PRDM16: variants seen among roughly 807,000 people sequenced by gnomAD.
The protein encoded by PRDM16 is PR/SET domain 16.
A neutral mutation model predicts 110.6 loss-of-function variants in PRDM16; 23 were observed. That is an observed-to-expected ratio of 0.21 (90% CI 0.15 to 0.29). PRDM16 has a LOEUF of 0.29. Among genes scored for constraint, PRDM16 ranks in the 10% least tolerant of loss-of-function variants. The pLI is 1.00. For missense variants in PRDM16, 1,615 were observed against 1,794.3 expected, an observed-to-expected ratio of 0.90 and a Z score of 1.81; for synonymous variants, 799 against 781.8, an observed-to-expected ratio of 1.02 and a Z score of -0.37.
chr1:3,310,262 G>A (rs1641417225), intron 3 of PRDM16, among the ~76,000 whole-genome samples: 1 of 152,128 alleles, frequency 6.6e-6, no homozygotes, highest in Non-Finnish European at 1.5e-5. Context: ...GGCACACTCT[G>A]GGGCCCAAAG....
At chr1:3,303,499 C>T (rs994984473) in intron 3 of PRDM16, among the ~76,000 whole-genome samples, 7 of 152,282 alleles carry the variant, frequency 4.6e-5, no homozygotes, top group South Asian at 2.1e-4. Flanking sequence ...TGCCTTTCGC[C>T]GTTGGGAAGA....
chr1:3,319,628 G>A (rs564249546), intron 3 of PRDM16, among the ~76,000 whole-genome samples: 12 of 152,224 alleles, frequency 7.9e-5, no homozygotes, highest in African/African-American at 2.6e-4. Flanking sequence ...GGCGTCAGGC[G>A]CTCCTCTCTC....
rs1163782519 is a variant in PRDM16 at position 3,382,534 on chromosome 1, C to A, written c.439-2618C>A. Among the ~76,000 whole-genome samples the A allele has an allele frequency of 6.6e-6, 1 of 152,188 alleles. No homozygotes were observed. On this transcript the variant is annotated intron_variant, in intron 3 of 16. Transcript: ENST00000270722. The surrounding 1 kb of genome is among the most constrained non-coding windows in gnomAD (Gnocchi z 6.6). ...CCCTGAGTCCTGAACAGCAGGGTGG[C>A]CACAGACTCCCCACCAAAGCGAGGC...
At chr1:3,332,209 A>G (rs1642055199) in intron 3 of PRDM16, among the ~76,000 whole-genome samples, 1 of 152,288 alleles carries the variant, frequency 6.6e-6, no homozygotes, top group Admixed American at 6.5e-5. Context: ...AGGTGCGTGC[A>G]CTGGGAAGTG....
At chr1:3,152,618 G>A (rs1643797313) in intron 1 of PRDM16, among the ~76,000 whole-genome samples, 1 of 152,240 alleles carries the variant, frequency 6.6e-6, no homozygotes, top group African/African-American at 2.4e-5. Flanking sequence ...ATGTTGCTCA[G>A]GAAGTTACAC....
chr1:3,361,217 G>A (rs573136536), intron 3 of PRDM16, among the ~76,000 whole-genome samples: 25 of 152,262 alleles, frequency 1.6e-4, no homozygotes, highest in Middle Eastern at 3.4e-3. Flanking sequence ...TGCTTTCACC[G>A]TCACAGCCTG....
At chr1:3,152,377 CATCCATTT>C (rs1419731901) in intron 1 of PRDM16, among the ~76,000 whole-genome samples, 5 of 123,648 alleles carry the variant, frequency 4.0e-5, no homozygotes, top group Middle Eastern at 3.9e-3. Flanking sequence ...TCCATCCATC[CATCCATTT>C]ATCCATCCAT....
chr1:3,158,558 G>A (rs886273820), intron 1 of PRDM16, among the ~76,000 whole-genome samples: 1 of 152,080 alleles, frequency 6.6e-6, no homozygotes, highest in Non-Finnish European at 1.5e-5. Context: ...TGGCGAGAAG[G>A]CACGATGACT....
intron 3 of PRDM16, among the ~76,000 whole-genome samples, chr1:3,324,787 C>T (rs539731396): frequency 1.3e-5 from 2 of 150,310 alleles, no homozygotes; most frequent in African/African-American, 4.9e-5. Flanking sequence ...CCTTGGTTCT[C>T]AAACTCGGCG....
intron 2 of PRDM16, among the ~76,000 whole-genome samples, chr1:3,193,740 A>T (rs1210784283): frequency 6.6e-6 from 1 of 152,144 alleles, no homozygotes; most frequent in Non-Finnish European, 1.5e-5. Flanking sequence ...CCCCTCCCAC[A>T]TGTCGGTCTG....
chr1:3,236,387 G>C (rs1174324936), intron 2 of PRDM16, among the ~76,000 whole-genome samples: 3 of 152,178 alleles, frequency 2.0e-5, no homozygotes. Context: ...GTGACTTCCA[G>C]GTCAAGGACC....
intron 3 of PRDM16, among the ~76,000 whole-genome samples, chr1:3,278,398 C>G (rs1255963907): frequency 6.6e-6 from 1 of 152,252 alleles, no homozygotes; most frequent in Non-Finnish European, 1.5e-5. Context: ...CCCCACTGCA[C>G]AGGCAGGACC....
intron 1 of PRDM16, among the ~76,000 whole-genome samples, chr1:3,145,034 G>A (rs1643619328): frequency 1.3e-5 from 2 of 152,182 alleles, no homozygotes; most frequent in Non-Finnish European, 2.9e-5. Context: ...CACTCGTCTT[G>A]GAAGGAACAC....
intron 3 of PRDM16, among the ~76,000 whole-genome samples, chr1:3,380,098 C>T (rs1026603471): frequency 6.6e-6 from 1 of 150,690 alleles, no homozygotes; most frequent in Non-Finnish European, 1.5e-5. Context: ...CACCCCCTCC[C>T]AACACATCCC....
At chr1:3,128,595 G>A (rs1008483717) in intron 1 of PRDM16, among the ~76,000 whole-genome samples, 3 of 152,236 alleles carry the variant, frequency 2.0e-5, no homozygotes, top group Admixed American at 2.0e-4. Flanking sequence ...GGAACCCAGA[G>A]GGTGATCGGC....
intron 4 of PRDM16, among the ~76,000 whole-genome samples, chr1:3,389,949 G>GCCCCCCCCCCCC (rs70938087): frequency 1.7e-3 from 181 of 106,992 alleles, no homozygotes; most frequent in Non-Finnish European, 2.3e-3. Context: ...CTGGGGGTGC[G>GCCCCCCCCCCCC]CCCCCCCCCC....
rs972027532 is a variant in PRDM16 at position 3,255,161 on chromosome 1, A to G, written c.438+11024A>G. 5.3e-5 allele frequency among the ~76,000 whole-genome samples: 8 copies of G among 152,142 alleles called. No homozygotes were observed. The highest frequency in any genetic ancestry group is 1.7e-4 in the African/African-American group (7 of 41,500). On this transcript the variant is annotated intron_variant, in intron 3 of 16. Coordinates refer to ENST00000270722, the MANE Select transcript of PRDM16 (RefSeq NM_022114.4). The surrounding 1 kb of genome is among the most constrained non-coding windows in gnomAD (Gnocchi z 4.7). Reference sequence around the variant, plus strand: ...CACCTTATACAAAAATTAATTCAAGATGGATTAAAGACTTAAACGTTAGAC... The same window carrying G: ...CACCTTATACAAAAATTAATTCAAGGTGGATTAAAGACTTAAACGTTAGAC...
intron 1 of PRDM16, among the ~76,000 whole-genome samples, chr1:3,117,399 C>T (rs1190442559): frequency 1.3e-5 from 2 of 152,110 alleles, no homozygotes; most frequent in Admixed American, 1.3e-4. Context: ...GCAGAGGTGG[C>T]TGGGAGCTGG....
intron 2 of PRDM16, among the ~76,000 whole-genome samples, chr1:3,191,868 C>T (rs75527923): frequency 4.6e-5 from 7 of 152,114 alleles, no homozygotes; most frequent in East Asian, 3.9e-4. Flanking sequence ...TTAAAGGCAC[C>T]GTGAGGCAGG....
Sources: allele counts gnomAD v4.1 joint callset (sites outside exome capture counted in the v4.1 genomes callset), GRCh38; gene constraint gnomAD v4.1.1; non-coding constraint Gnocchi (gnomAD v3.1); transcripts MANE v1.5; gene names NCBI Gene and HGNC (gene_info 2026-07-23, HGNC 2026-07-21).